DGCR2: variants seen among roughly 807,000 people sequenced by gnomAD.
The protein encoded by DGCR2 is DiGeorge syndrome critical region gene 2, also known as integral membrane protein DGCR2/IDD.
In DGCR2, 24 loss-of-function variants were observed where a neutral mutation model predicts 51.6. The observed-to-expected ratio is 0.47, with a 90% CI of 0.34 to 0.65. The LOEUF (loss-of-function observed/expected upper bound fraction) is 0.65. DGCR2 is among the 30% of genes least tolerant of loss of function. DGCR2 has a pLI of 0.01. For missense variants in DGCR2, 765 were observed against 772.1 expected, an observed-to-expected ratio of 0.99 and a Z score of 0.11; for synonymous variants, 340 against 315.4, an observed-to-expected ratio of 1.08 and a Z score of -0.82.
intron 4 of DGCR2, 95 bp from the exon 5 acceptor site, chr22:19,063,373 GCT>G (rs1226671839): frequency 2.6e-6 from 3 of 1,138,206 alleles, no homozygotes; most frequent in Non-Finnish European, 3.8e-6. Context: ...ACAGAGTCTC[GCT>G]CTGTCACCAG....
chr22:19,081,794 A>G (rs954924818), intron 2 of DGCR2, among the ~76,000 whole-genome samples: 7 of 152,222 alleles, frequency 4.6e-5, no homozygotes, highest in African/African-American at 1.7e-4. Flanking sequence ...TTTCCACACT[A>G]TCCATATCTT....
intron 9 of DGCR2, among the ~76,000 whole-genome samples, chr22:19,039,448 G>A (rs1166110145): frequency 6.6e-6 from 1 of 152,220 alleles, no homozygotes; most frequent in Non-Finnish European, 1.5e-5. Flanking sequence ...CTAGAACAGA[G>A]GGGCCCAAAG....
At chr22:19,088,097 T>G (rs996786951) in intron 2 of DGCR2, among the ~76,000 whole-genome samples, 2 of 152,204 alleles carry the variant, frequency 1.3e-5, no homozygotes, top group Admixed American at 6.5e-5. Context: ...ATCCCCTACC[T>G]AATACCCTGG....
chr22:19,067,266 G>A (rs1265042605), intron 3 of DGCR2, among the ~76,000 whole-genome samples: 4 of 152,194 alleles, frequency 2.6e-5, no homozygotes, highest in African/African-American at 9.7e-5. Flanking sequence ...TGGGTACCTC[G>A]CGCCTGAGAG....
intron 1 of DGCR2, among the ~76,000 whole-genome samples, chr22:19,098,256 C>A (rs528040966): frequency 2.0e-5 from 3 of 151,752 alleles, no homozygotes; most frequent in Admixed American, 2.0e-4. Flanking sequence ...ACTCCCCTAA[C>A]TGAGTCGGCC....
intron 7 of DGCR2, chr22:19,045,268 G>A (rs1210498358): frequency 6.6e-6 from 1 of 152,250 alleles, no homozygotes; most frequent in Non-Finnish European, 1.5e-5. Flanking sequence ...CTGGTCTGAA[G>A]GTAGTGAGTC....
At chr22:19,118,432 C>T (rs1437441781) in intron 1 of DGCR2, among the ~76,000 whole-genome samples, 2 of 149,304 alleles carry the variant, frequency 1.3e-5, no homozygotes, top group East Asian at 2.0e-4. Context: ...GTGCTGTGTT[C>T]ACTTCTCAGC....
chr22:19,069,665 G>C (rs990837945), intron 2 of DGCR2, among the ~76,000 whole-genome samples: 1 of 152,238 alleles, frequency 6.6e-6, no homozygotes, highest in South Asian at 2.1e-4. Flanking sequence ...TCCACAAATG[G>C]ATTTCTTTCA....
intron 7 of DGCR2, among the ~76,000 whole-genome samples, 157 bp from the exon 8 acceptor site, chr22:19,042,116 C>T (rs1402787913): frequency 6.6e-6 from 1 of 152,186 alleles, no homozygotes; most frequent in Non-Finnish European, 1.5e-5. Flanking sequence ...GAAATAAGGC[C>T]GCTCAAAATC....
chr22:19,069,693 G>C (rs931227201), intron 2 of DGCR2, among the ~76,000 whole-genome samples: 31 of 152,270 alleles, frequency 2.0e-4, no homozygotes, highest in Middle Eastern at 6.8e-3. Context: ...AATCTCTATG[G>C]TTTGAGGTTA....
At chr22:19,080,776 C>G (rs1439874918) in intron 2 of DGCR2, among the ~76,000 whole-genome samples, 1 of 152,174 alleles carries the variant, frequency 6.6e-6, no homozygotes, top group Non-Finnish European at 1.5e-5. Flanking sequence ...TTTGAGGTTG[C>G]ATTCAGCTGT....
chr22:19,040,761 G>A (rs1293795337), intron 9 of DGCR2, among the ~76,000 whole-genome samples: 1 of 152,232 alleles, frequency 6.6e-6, no homozygotes, highest in African/African-American at 2.4e-5. Context: ...CTAGAGCTGG[G>A]CTGAGGGCCC....
chr22:19,100,082 T>C (rs954339208), intron 1 of DGCR2, among the ~76,000 whole-genome samples: 1 of 151,950 alleles, frequency 6.6e-6, no homozygotes, highest in African/African-American at 2.4e-5. Context: ...GAGACCAGCC[T>C]GGACAAGGCG....
chr22:19,073,503 T>C (rs1200505372), intron 2 of DGCR2, among the ~76,000 whole-genome samples: 2 of 151,970 alleles, frequency 1.3e-5, no homozygotes, highest in Non-Finnish European at 2.9e-5. Context: ...TTCCCTAAGC[T>C]GTAAGGCATG....
At chr22:19,122,057 AAGG>A in intron 1 of DGCR2, 68 bp downstream of exon 1, 1 of 1,203,310 alleles carries the variant, frequency 8.3e-7, no homozygotes. Context: ...CCGCGGGTGA[AAGG>A]AGGTCCCGGG....
intron 4 of DGCR2, 74 bp downstream of exon 4, chr22:19,064,774 G>C (rs1219864474): frequency 2.1e-6 from 3 of 1,411,188 alleles, no homozygotes; most frequent in Non-Finnish European, 3.0e-6. Context: ...AGTTTACTGA[G>C]TGGTCAGAGG....
At chr22:19,083,162 C>G (rs1385560292) in intron 2 of DGCR2, among the ~76,000 whole-genome samples, 1 of 152,042 alleles carries the variant, frequency 6.6e-6, no homozygotes, top group Non-Finnish European at 1.5e-5. Flanking sequence ...ATAATTTATC[C>G]AAAACTGAAT....
intron 1 of DGCR2, among the ~76,000 whole-genome samples, chr22:19,118,274 C>T (rs1428629597): frequency 6.8e-6 from 1 of 147,834 alleles, no homozygotes; most frequent in Non-Finnish European, 1.5e-5. Flanking sequence ...TGGAGGCTGA[C>T]ACAGGAGAAT....
chr22:19,061,805 G>A (rs1366421195), intron 5 of DGCR2: 1 of 152,188 alleles, frequency 6.6e-6, no homozygotes, highest in Non-Finnish European at 1.5e-5. Flanking sequence ...GATGCTGTGG[G>A]GCCCCTTGCA....
Sources: gnomAD v4.1 joint callset for allele counts (sites outside exome capture counted in the v4.1 genomes callset) on GRCh38, gnomAD v4.1.1 for gene constraint, MANE v1.5 for transcripts, NCBI Gene and HGNC (gene_info 2026-07-23, HGNC 2026-07-21) for gene names.